The following CACNA1B variants were observed in gnomAD, a reference collection of about 807,000 sequenced individuals.
CACNA1B encodes voltage-dependent N-type calcium channel subunit alpha-1B.
A neutral mutation model predicts 247.2 loss-of-function variants in CACNA1B; 70 were observed. The observed-to-expected ratio is 0.28, with a 90% CI of 0.23 to 0.35. The LOEUF is 0.35. CACNA1B is among the 10% of genes least tolerant of loss of function. The pLI is 1.00. For missense variants in CACNA1B, 2,367 were observed against 3,197.4 expected, an observed-to-expected ratio of 0.74 and a Z score of 6.26; for synonymous variants, 1,231 against 1,294.4, an observed-to-expected ratio of 0.95 and a Z score of 1.05.
chr9:138,080,833 G>A (rs1314518058), intron 36 of CACNA1B, among the ~76,000 whole-genome samples: 1 of 152,232 alleles, frequency 6.6e-6, no homozygotes, highest in Non-Finnish European at 1.5e-5. Flanking sequence ...CGGACTGTGA[G>A]CTTTGCAGGG....
At chr9:138,107,084 C>T (rs997598663) in intron 39 of CACNA1B, among the ~76,000 whole-genome samples, 1 of 152,104 alleles carries the variant, frequency 6.6e-6, no homozygotes, top group Admixed American at 6.5e-5. Context: ...TACACTCACT[C>T]CTTTATCATC....
intron 36 of CACNA1B, among the ~76,000 whole-genome samples, chr9:138,094,457 A>AAAAAAAAAAAAAAAAAAAAAAAAG (rs752912258): frequency 4.4e-5 from 6 of 134,882 alleles, no homozygotes; most frequent in South Asian, 2.7e-4. Flanking sequence ...AAAAAAAAAA[A>AAAAAAAAAAAAAAAAAAAAAAAAG]AAGAAGAAGA....
intron 34 of CACNA1B, 37 bp from the exon 35 acceptor site, chr9:138,075,782 C>T: frequency 1.4e-6 from 2 of 1,410,834 alleles, no homozygotes; most frequent in Non-Finnish European, 9.9e-7. Context: ...TCCTGCAGAC[C>T]CAGCAGGGTC....
chr9:138,069,271 C>T (rs530192097), intron 31 of CACNA1B, among the ~76,000 whole-genome samples: 1 of 152,252 alleles, frequency 6.6e-6, no homozygotes, highest in East Asian at 1.9e-4. Context: ...GTTCCCATCC[C>T]CAACTTAAAA....
Position 137,954,374 on chromosome 9 carries a change from C to T in CACNA1B, c.1071-1324C>T, listed in dbSNP as rs530422678. Among the ~76,000 whole-genome samples the T allele has an allele frequency of 6.6e-5, 10 of 152,328 alleles. No homozygotes were observed. In the South Asian group the frequency reaches 1.9e-3, roughly 28 times the overall value. ...CCAGAGCTCCCATCCTCACAGCATCCCAGAGAAGCAGAAGAGGTGGCCCCT... is the reference window on the plus strand; with the variant it reads ...CCAGAGCTCCCATCCTCACAGCATCTCAGAGAAGCAGAAGAGGTGGCCCCT... On this transcript the variant is annotated intron_variant, in intron 7 of 46. Coordinates refer to ENST00000371372, the MANE Select transcript of CACNA1B (RefSeq NM_000718.4). The surrounding 1 kb of genome is among the most constrained non-coding windows in gnomAD (Gnocchi z 4.1).
chr9:137,923,792 T>G (rs1957518626), intron 6 of CACNA1B, among the ~76,000 whole-genome samples: 1 of 152,238 alleles, frequency 6.6e-6, no homozygotes, highest in Admixed American at 6.5e-5. Context: ...TTTTTGTGCA[T>G]TCTGGCCAGT....
At chr9:138,044,427 C>G (rs765619944) in intron 21 of CACNA1B, among the ~76,000 whole-genome samples, 3 of 152,256 alleles carry the variant, frequency 2.0e-5, no homozygotes, top group Admixed American at 6.5e-5. Context: ...GAACCCCTGT[C>G]CTTGCTAAGC....
chr9:137,911,310 T>C (rs1031765137), intron 3 of CACNA1B, among the ~76,000 whole-genome samples: 4 of 152,278 alleles, frequency 2.6e-5, no homozygotes, highest in African/African-American at 9.6e-5. Flanking sequence ...TCCTGCTGAA[T>C]GTCTTCCCGT....
rs1040149062 is a variant in CACNA1B at position 137,882,059 on chromosome 9, C to T, written c.391-685C>T. Among the ~76,000 whole-genome samples the T allele has an allele frequency of 6.6e-6, 1 of 152,156 alleles. No individual in the cohort carries two copies. Among genetic ancestry groups the T allele is most frequent in the South Asian group, 2.1e-4 (1 of 4,830 alleles). Reference sequence around the variant, plus strand: ...GGGTCCTCACAGATGTGGCGGTCGTCGCTCAGCACACTCAGGGCTGAGGTT... The same window carrying T: ...GGGTCCTCACAGATGTGGCGGTCGTTGCTCAGCACACTCAGGGCTGAGGTT... On this transcript the variant is annotated intron_variant, in intron 2 of 46. Transcript: ENST00000371372. The surrounding 1 kb of genome is among the most constrained non-coding windows in gnomAD (Gnocchi z 4.0).
At position 138,100,980 on chromosome 9, in the gene CACNA1B, G is replaced by A. The variant is rs1961231432; in HGVS notation, c.5223-1731G>A. On this transcript the variant is annotated intron_variant, in intron 37 of 46. Coordinates refer to ENST00000371372, the MANE Select transcript of CACNA1B (RefSeq NM_000718.4). The surrounding 1 kb of genome is among the most constrained non-coding windows in gnomAD (Gnocchi z 4.6). ...ACCCCGGCGAGGTGCCACCTGTCCAGTGCACCCCTCACCTCCGCCGCCACG... is the reference window on the plus strand; with the variant it reads ...ACCCCGGCGAGGTGCCACCTGTCCAATGCACCCCTCACCTCCGCCGCCACG... 7.1e-6 allele frequency: 3 copies of A among 425,054 alleles called. No homozygotes were observed. The highest frequency in any genetic ancestry group is 4.9e-5 in the Admixed American group (2 of 41,158). The allele number at this position is 425,054 out of a possible 1,614,324, so 26.3% of individuals were successfully genotyped here. A position where few individuals can be genotyped will look rare whatever the true frequency, so the allele number is the denominator to read the frequency against.
At chr9:138,075,993 A>G (rs533948177) in intron 35 of CACNA1B, 83 bp downstream of exon 35, 6 of 872,886 alleles carry the variant, frequency 6.9e-6, no homozygotes, top group Admixed American at 6.1e-5. Context: ...CTGGGTGTCA[A>G]CCGTGGAGAC....
intron 20 of CACNA1B, among the ~76,000 whole-genome samples, chr9:138,043,188 G>A (rs942557779): frequency 2.0e-5 from 3 of 152,186 alleles, no homozygotes; most frequent in Non-Finnish European, 2.9e-5. Context: ...ATGGGCCCTC[G>A]GGGAAGGAGG....
At chr9:138,015,705 G>A (rs1208977984) in intron 18 of CACNA1B, among the ~76,000 whole-genome samples, 1 of 152,250 alleles carries the variant, frequency 6.6e-6, no homozygotes, top group Non-Finnish European at 1.5e-5. Flanking sequence ...GCTTGACACA[G>A]ACGGTGCCAG....
intron 20 of CACNA1B, among the ~76,000 whole-genome samples, chr9:138,025,545 T>C (rs1367764403): frequency 3.3e-5 from 5 of 152,218 alleles, no homozygotes; most frequent in Non-Finnish European, 5.9e-5. Context: ...CTGAGGACTC[T>C]GTCCACGGCC....
At chr9:137,930,544 A>T (rs945293291) in intron 6 of CACNA1B, among the ~76,000 whole-genome samples, 3 of 152,202 alleles carry the variant, frequency 2.0e-5, no homozygotes, top group Non-Finnish European at 4.4e-5. Flanking sequence ...TTTTGTGGGC[A>T]CTTGGAAAGA....
chr9:137,897,677 C>T (rs965074123), intron 3 of CACNA1B, among the ~76,000 whole-genome samples: 4 of 152,104 alleles, frequency 2.6e-5, no homozygotes, highest in Non-Finnish European at 2.9e-5. Flanking sequence ...AATTCAATTC[C>T]GTGTATTTTA....
chr9:137,948,536 C>G, intron 6 of CACNA1B, among the ~76,000 whole-genome samples: 1 of 151,114 alleles, frequency 6.6e-6, no homozygotes, highest in Admixed American at 6.6e-5. Context: ...CCCTTTGGTT[C>G]TGTAATCCAA....
intron 6 of CACNA1B, among the ~76,000 whole-genome samples, chr9:137,929,504 A>G (rs555646970): frequency 3.4e-4 from 52 of 152,218 alleles, no homozygotes; most frequent in African/African-American, 1.2e-3. Flanking sequence ...GCAGTGAGCC[A>G]GGATAGCGCC....
At position 138,102,979 on chromosome 9, in the gene CACNA1B, T is replaced by C. The variant is rs1416816721; in HGVS notation, c.5319+172T>C. On this transcript the variant is annotated intron_variant, in intron 38 of 46. Transcript: ENST00000371372. This position sits in a 1 kb window ranked among gnomAD's most constrained non-coding sequence, Gnocchi z 5.4. ...TCTTTCTCTTCAGCCCCATCCCAGC[T>C]TCCTTCCCAGACAGAGGGATGTGGC... 6.6e-6 allele frequency among the ~76,000 whole-genome samples: 1 copy of C among 152,164 alleles called. No individual in the cohort carries two copies. The highest frequency in any genetic ancestry group is 1.5e-5 in the Non-Finnish European group (1 of 68,024).
Sources: gnomAD v4.1 joint callset for allele counts (sites outside exome capture counted in the v4.1 genomes callset) on GRCh38, gnomAD v4.1.1 for gene constraint, Gnocchi (gnomAD v3.1) non-coding constraint, MANE v1.5 for transcripts, NCBI Gene and HGNC (gene_info 2026-07-23, HGNC 2026-07-21) for gene names.